The following ZSWIM7 variants were observed in gnomAD, a reference collection of about 807,000 sequenced individuals.
ZSWIM7 encodes the protein zinc finger SWIM domain-containing protein 7.
A neutral mutation model predicts 21.1 loss-of-function variants in ZSWIM7; 22 were observed. That is an observed-to-expected ratio of 1.04 (90% confidence interval 0.74 to 1.49). ZSWIM7 has a LOEUF of 1.49. ZSWIM7 is among the 40% of genes most tolerant of loss of function. The pLI, the probability that ZSWIM7 is intolerant of heterozygous loss-of-function variation, is 0.00. For missense variants in ZSWIM7, 193 were observed against 168.0 expected, an observed-to-expected ratio of 1.15 and a Z score of -0.82; for synonymous variants, 67 against 66.5, an observed-to-expected ratio of 1.01 and a Z score of -0.04.
At position 15,979,129 on chromosome 17, in the gene ZSWIM7, C is replaced by A. The variant is rs1970314108; in HGVS notation, c.307-966G>T. 2.0e-5 allele frequency among the ~76,000 whole-genome samples: 3 copies of A among 151,106 alleles called. No homozygotes were observed. The South Asian group carries it at 6.3e-4, about 32-fold the overall frequency. The stretch of plus-strand genomic sequence containing the variant: ...TCTCTGGTTTTCCTAGGCAGAGGAC[C>A]CTGCGGCCTTCCGCAGTGTTTGTGT... On this transcript the variant is annotated intron_variant, in intron 4 of 4. Transcript: ENST00000399277.
intron 4 of ZSWIM7, among the ~76,000 whole-genome samples, chr17:15,980,521 G>GT (rs906706966): frequency 1.3e-5 from 2 of 152,174 alleles, no homozygotes; most frequent in Admixed American, 6.6e-5. Flanking sequence ...GGAAGGTAGT[G>GT]TTTTTTCCTT....
chr17:15,984,980 G>GA (rs1487075962), intron 3 of ZSWIM7, among the ~76,000 whole-genome samples: 13 of 152,130 alleles, frequency 8.5e-5, no homozygotes, highest in African/African-American at 2.9e-4. Context: ...TCTCCTGACT[G>GA]AAACATCCTC....
intron 1 of ZSWIM7, among the ~76,000 whole-genome samples, chr17:15,996,545 C>G (rs982275059): frequency 6.6e-5 from 10 of 152,046 alleles, no homozygotes; most frequent in Admixed American, 1.3e-4. Context: ...GCCTGGGGAA[C>G]AGAGTGAGAC....
At chr17:15,993,854 T>C (rs987787729) in intron 1 of ZSWIM7, 76 bp from the exon 2 acceptor site, 66 of 1,177,186 alleles carry the variant, frequency 5.6e-5, no homozygotes, top group Non-Finnish European at 7.9e-5. Flanking sequence ...TAAAAAACAC[T>C]GTAACTAAAA....
At chr17:15,988,915 G>A (rs1042444194) in intron 2 of ZSWIM7, among the ~76,000 whole-genome samples, 10 of 152,120 alleles carry the variant, frequency 6.6e-5, no homozygotes, top group African/African-American at 1.9e-4. Context: ...AGCTACTCAG[G>A]AGGCTGAGGC....
chr17:15,986,699 G>C (rs1970415771), intron 3 of ZSWIM7: 1 of 152,098 alleles, frequency 6.6e-6, no homozygotes. Flanking sequence ...ATTGGTCAAA[G>C]GGTACAAAAT....
At chr17:15,991,904 G>GTTTTTT (rs1277836412) in intron 2 of ZSWIM7, among the ~76,000 whole-genome samples, 4 of 90,666 alleles carry the variant, frequency 4.4e-5, no homozygotes, top group African/African-American at 1.6e-4. Flanking sequence ...GACAGGTTTT[G>GTTTTTT]TTTTTTTTTG....
rs1262955305 is a variant in ZSWIM7 at position 15,999,556 on chromosome 17, C to A, written c.39G>T (p.Leu13=). ...VVLPAVVEEL[L]SEMAAAVQES... is the part of the protein sequence containing the mutation. ...CCTGCACCGCCGCCGCCATCTCGCT[C>A]AGGAGCTCCTCCACAACCGCCGGCA... The change falls in exon 1 of 5, where the codon CTG becomes CTT. Residue 13 remains leucine (L), a synonymous_variant. Transcript: ENST00000399277. The A allele has an allele frequency of 1.3e-6, 2 of 1,595,164 alleles. No homozygotes were observed. Among genetic ancestry groups the A allele is most frequent in the Non-Finnish European group, 1.7e-6 (2 of 1,171,512 alleles).
At chr17:15,998,560 T>C (rs111230031) in intron 1 of ZSWIM7, among the ~76,000 whole-genome samples, 2 of 152,306 alleles carry the variant, frequency 1.3e-5, no homozygotes, top group African/African-American at 4.8e-5. Context: ...TCAATGCATT[T>C]TGAGTATATC....
chr17:15,997,964 G>A (rs1333313767), intron 1 of ZSWIM7, among the ~76,000 whole-genome samples: 1 of 152,188 alleles, frequency 6.6e-6, no homozygotes, highest in Non-Finnish European at 1.5e-5. Context: ...AGCCGGGTGT[G>A]GTGGCATGCG....
intron 2 of ZSWIM7, among the ~76,000 whole-genome samples, chr17:15,989,673 C>G (rs1970458125): frequency 6.6e-6 from 1 of 152,044 alleles, no homozygotes; most frequent in Admixed American, 6.6e-5. Flanking sequence ...GTCACCCAGG[C>G]AGGCTGGATT....
intron 2 of ZSWIM7, among the ~76,000 whole-genome samples, chr17:15,987,947 G>T (rs1970435676): frequency 6.6e-6 from 1 of 152,088 alleles, no homozygotes; most frequent in Non-Finnish European, 1.5e-5. Flanking sequence ...AACTGTTAGT[G>T]ATAAAGAAGC....
rs774862199 is a variant in ZSWIM7 at position 15,987,260 on chromosome 17, T to A, written c.201+6A>T. ...GTAGGGATCACCCCCATCTCTAGACTTCTACCTGGTAAACACGCCTTCCAC... is the reference window on the plus strand; with the variant it reads ...GTAGGGATCACCCCCATCTCTAGACATCTACCTGGTAAACACGCCTTCCAC... On this transcript the variant is annotated splice_donor_region_variant and intron_variant, in intron 3 of 4. Coordinates refer to ENST00000399277, the MANE Select transcript of ZSWIM7 (RefSeq NM_001042697.2). The A allele has an allele frequency of 6.2e-7, 1 of 1,610,838 alleles. No homozygotes were observed. The highest frequency in any genetic ancestry group is 1.7e-5 in the Admixed American group (1 of 59,318).
intron 3 of ZSWIM7, among the ~76,000 whole-genome samples, chr17:15,983,723 A>C (rs1970381129): frequency 6.6e-6 from 1 of 152,030 alleles, no homozygotes; most frequent in Non-Finnish European, 1.5e-5. Context: ...ATTAGCTGGG[A>C]TTACAGGCAT....
chr17:15,990,466 C>T (rs1350925527), intron 2 of ZSWIM7, among the ~76,000 whole-genome samples: 1 of 151,974 alleles, frequency 6.6e-6, no homozygotes, highest in Non-Finnish European at 1.5e-5. Context: ...CTGCTTTAGC[C>T]TCCCGAGTAG....
rs1169058331 is a variant in ZSWIM7, at chr17:15,999,699, C to T, written c.-105G>A. 1.9e-6 allele frequency: 3 copies of T among 1,554,828 alleles called. No homozygotes were observed. The highest frequency in any genetic ancestry group is 2.6e-6 in the Non-Finnish European group (3 of 1,149,284). On this transcript the variant is annotated 5_prime_UTR_variant, in exon 1 of 5. Transcript: ENST00000399277. The stretch of plus-strand genomic sequence containing the variant: ...GACCCCCCGCCGGGGCAGGGCGAGA[C>T]GGAGTGACGTCGGGGCGCGTCATCG...
At chr17:15,978,193 A>C in intron 4 of ZSWIM7, 30 bp from the exon 5 acceptor site, 1 of 1,566,952 alleles carries the variant, frequency 6.4e-7, no homozygotes, top group Non-Finnish European at 8.8e-7. Flanking sequence ...CACCTATTAG[A>C]AACAGGCAGG....
chr17:15,982,226 G>A (rs891348623), intron 3 of ZSWIM7, among the ~76,000 whole-genome samples: 2 of 152,120 alleles, frequency 1.3e-5, no homozygotes, highest in Non-Finnish European at 2.9e-5. Context: ...CAAATTTGCT[G>A]GAGAAATCCT....
chr17:15,979,444 T>G (rs959121381), intron 4 of ZSWIM7, among the ~76,000 whole-genome samples: 2 of 152,228 alleles, frequency 1.3e-5, no homozygotes, highest in African/African-American at 4.8e-5. Flanking sequence ...TACCTTTCCC[T>G]GCTTTCTATT....
Sources: allele counts gnomAD v4.1 joint callset (sites outside exome capture counted in the v4.1 genomes callset), GRCh38; gene constraint gnomAD v4.1.1; transcripts MANE v1.5; gene names NCBI Gene and HGNC (gene_info 2026-07-23, HGNC 2026-07-21).